The following FBN1 variants were observed in gnomAD, a reference collection of about 807,000 sequenced individuals.
FBN1 encodes fibrillin-1.
In FBN1, 29 loss-of-function variants were observed where a neutral mutation model predicts 365.1. The ratio of observed to expected loss-of-function variants is 0.08; its 90% CI spans 0.06 to 0.11. The LOEUF (loss-of-function observed/expected upper bound fraction) is 0.11, where lower values mean the gene tolerates loss of function less well. Among genes scored for constraint, FBN1 ranks in the 10% least tolerant of loss-of-function variants. The pLI is 1.00. For missense variants in FBN1, 2,476 were observed against 3,703.2 expected, an observed-to-expected ratio of 0.67 and a Z score of 8.60; for synonymous variants, 1,210 against 1,270.5, an observed-to-expected ratio of 0.95 and a Z score of 1.01.
intron 2 of FBN1, among the ~76,000 whole-genome samples, chr15:48,634,862 CACACACACACACACACACACACA>C (rs1890065414): frequency 1.7e-5 from 1 of 59,556 alleles, no homozygotes; most frequent in African/African-American, 1.3e-4. Flanking sequence ...AAAAACCACA[CACACACACACACACACACACACA>C]CACACACACA....
chr15:48,607,840 T>C (rs908441216), intron 4 of FBN1, among the ~76,000 whole-genome samples: 1 of 152,234 alleles, frequency 6.6e-6, no homozygotes, highest in Non-Finnish European at 1.5e-5. Flanking sequence ...AGTAAATTCA[T>C]ACATCAGTAA....
At chr15:48,631,539 A>C (rs1167451185) in intron 2 of FBN1, among the ~76,000 whole-genome samples, 2 of 152,224 alleles carry the variant, frequency 1.3e-5, no homozygotes, top group African/African-American at 4.8e-5. Flanking sequence ...TCGTTTCCTA[A>C]GCCCATTCCA....
chr15:48,467,587 T>G (rs958382627), intron 38 of FBN1, among the ~76,000 whole-genome samples: 5 of 152,226 alleles, frequency 3.3e-5, no homozygotes, highest in Non-Finnish European at 7.3e-5. Context: ...ACACTGAGTC[T>G]GGCGTACAGC....
chr15:48,534,760 G>A (rs1017231317), intron 7 of FBN1, among the ~76,000 whole-genome samples: 2 of 152,228 alleles, frequency 1.3e-5, no homozygotes, highest in Admixed American at 1.3e-4. Flanking sequence ...TTCTGGAGAA[G>A]TGCCTTGCAC....
At chr15:48,423,166 A>G (rs1312060869) in intron 60 of FBN1, among the ~76,000 whole-genome samples, 1 of 152,188 alleles carries the variant, frequency 6.6e-6, no homozygotes, top group Non-Finnish European at 1.5e-5. Flanking sequence ...CTTTAATGAT[A>G]ATTTTAAAAT....
At chr15:48,487,732 C>T (rs1035500214) in intron 27 of FBN1, among the ~76,000 whole-genome samples, 3 of 152,208 alleles carry the variant, frequency 2.0e-5, no homozygotes, top group African/African-American at 7.2e-5. Context: ...GCAAGAATCT[C>T]CATTTCAAAC....
Position 48,644,600 on chromosome 15 carries a change from C to T in FBN1, c.164+6G>A, listed in dbSNP as rs760968439. On this transcript the variant is annotated splice_donor_region_variant and intron_variant, in intron 2 of 65. Coordinates refer to ENST00000316623, the MANE Select transcript of FBN1 (RefSeq NM_000138.5). ...CCACACCAAAGGAGGGAACCGGTTC[C>T]TTTACCCTTTAAGCGCGTCGTGTCC... 7 of 1,614,126 alleles carry T rather than the reference C, an allele frequency of 4.3e-6. No homozygotes were observed. Among genetic ancestry groups the T allele is most frequent in the Non-Finnish European group, 5.9e-6 (7 of 1,180,010 alleles).
Position 48,485,159 on chromosome 15 carries a change from A to G in FBN1, c.3712+215T>C, listed in dbSNP as rs144795529. Among the ~76,000 whole-genome samples, 610 of 152,340 alleles carry G rather than the reference A, an allele frequency of 4.0e-3. No individual in the cohort carries two copies. Among genetic ancestry groups the G allele is most frequent in the African/African-American group, 0.014 (574 of 41,574 alleles). ...TTCCATTTATTATATGCCAGGTACT[A>G]TGGTAAGCTCTGTAAATACTATTTT... On this transcript the variant is annotated intron_variant, in intron 30 of 65. Coordinates refer to ENST00000316623, the MANE Select transcript of FBN1 (RefSeq NM_000138.5).
chr15:48,457,712 G>A (rs1023666173), intron 43 of FBN1, among the ~76,000 whole-genome samples: 11 of 152,122 alleles, frequency 7.2e-5, no homozygotes, highest in South Asian at 2.1e-4. Flanking sequence ...TTTGCTGCAT[G>A]ACTGGTACAT....
intron 25 of FBN1, among the ~76,000 whole-genome samples, chr15:48,489,353 A>G (rs2043536435): frequency 6.6e-6 from 1 of 151,962 alleles, no homozygotes; most frequent in Non-Finnish European, 1.5e-5. Context: ...CCAGCTCAAG[A>G]TCTCATTAAT....
intron 63 of FBN1, among the ~76,000 whole-genome samples, chr15:48,418,386 C>T (rs1460712811): frequency 6.6e-6 from 1 of 152,072 alleles, no homozygotes; most frequent in African/African-American, 2.4e-5. Flanking sequence ...TTTACATTTT[C>T]TCCCTTCCCT....
At chr15:48,491,886 G>T (rs575346291) in intron 24 of FBN1, among the ~76,000 whole-genome samples, 1 of 152,340 alleles carries the variant, frequency 6.6e-6, no homozygotes, top group African/African-American at 2.4e-5. Context: ...AGCCCATAGG[G>T]ACTTAGGACT....
chr15:48,578,576 G>A (rs1344046588), intron 6 of FBN1, among the ~76,000 whole-genome samples: 2 of 152,076 alleles, frequency 1.3e-5, no homozygotes, highest in Admixed American at 6.6e-5. Context: ...CTAGATCCCT[G>A]AGGAATCGCC....
intron 2 of FBN1, among the ~76,000 whole-genome samples, chr15:48,635,650 G>A (rs1486981072): frequency 1.3e-5 from 2 of 152,184 alleles, no homozygotes; most frequent in Admixed American, 6.5e-5. Context: ...AAATTAGAGT[G>A]ATTGCCCATT....
At chr15:48,435,782 G>GTATATATATGTATA (rs1178694998) in intron 53 of FBN1, among the ~76,000 whole-genome samples, 29 of 70,488 alleles carry the variant, frequency 4.1e-4, no homozygotes, top group East Asian at 1.4e-3. Context: ...ATGTGTGTGT[G>GTATATATATGTATA]TGTGTGTGTG....
At chr15:48,549,286 T>C (rs986403856) in intron 6 of FBN1, among the ~76,000 whole-genome samples, 1 of 152,238 alleles carries the variant, frequency 6.6e-6, no homozygotes, top group African/African-American at 2.4e-5. Context: ...TCACATATTC[T>C]CTTCCAGAAA....
intron 36 of FBN1, among the ~76,000 whole-genome samples, chr15:48,470,421 C>T (rs1251978744): frequency 6.6e-6 from 1 of 152,210 alleles, no homozygotes; most frequent in East Asian, 1.9e-4. Context: ...TTCAAGGCTA[C>T]AAACTGTGCT....
At chr15:48,606,122 G>A (rs932555689) in intron 4 of FBN1, among the ~76,000 whole-genome samples, 2 of 152,154 alleles carry the variant, frequency 1.3e-5, no homozygotes, top group African/African-American at 4.8e-5. Context: ...TACACTGCTG[G>A]TGAGAATGCA....
Position 48,610,816 on chromosome 15 carries a change from C to A in FBN1, c.258G>T (p.Arg86=), listed in dbSNP as rs930004823. The A allele has an allele frequency of 3.1e-6, 5 of 1,613,818 alleles. No homozygotes were observed. The highest frequency in any genetic ancestry group is 4.2e-6 in the Non-Finnish European group (5 of 1,179,768). Residue 86 remains arginine, a synonymous_variant, in exon 4 of 66, where the codon CGG becomes CGT. Transcript: ENST00000316623. ...AACAAAATCCATCCCCACAGGAATGCCGGCAAATGGCTGTGAATAAACCAG... is the reference window on the plus strand; with the variant it reads ...AACAAAATCCATCCCCACAGGAATGACGGCAAATGGCTGTGAATAAACCAG... ...GGNQCIVPIC[R]HSCGDGFCSR... is the part of the protein sequence containing the mutation.
Sources: gnomAD v4.1 joint callset for allele counts (sites outside exome capture counted in the v4.1 genomes callset) on GRCh38, gnomAD v4.1.1 for gene constraint, MANE v1.5 for transcripts, NCBI Gene and HGNC (gene_info 2026-07-23, HGNC 2026-07-21) for gene names.